Variants in AP2A2 observed in about 807,000 individuals in gnomAD.
The protein encoded by AP2A2 is AP-2 complex subunit alpha-2.
In AP2A2, 32 loss-of-function variants were observed where a neutral mutation model predicts 104.2. The ratio of observed to expected loss-of-function variants is 0.31; its 90% CI spans 0.23 to 0.41. The LOEUF (loss-of-function observed/expected upper bound fraction) is 0.41, where lower values mean the gene tolerates loss of function less well. Among genes scored for constraint, AP2A2 ranks in the 10% least tolerant of loss-of-function variants. The probability of loss-of-function intolerance (pLI) is 1.00; values close to 1 mark genes in which losing one functional copy is unlikely to be tolerated. For missense variants in AP2A2, 912 were observed against 1,261.0 expected, an observed-to-expected ratio of 0.72 and a Z score of 4.19; for synonymous variants, 539 against 533.3, an observed-to-expected ratio of 1.01 and a Z score of -0.15.
At chr11:956,295 T>C (rs1854232423) in intron 1 of AP2A2, among the ~76,000 whole-genome samples, 1 of 152,144 alleles carries the variant, frequency 6.6e-6, no homozygotes, top group African/African-American at 2.4e-5. Flanking sequence ...CCCAAGTAGC[T>C]GGGATTACAG....
chr11:1,008,279 A>G (rs1856278780), intron 18 of AP2A2, 144 bp downstream of exon 18: 9 of 1,230,610 alleles, frequency 7.3e-6, no homozygotes, highest in Admixed American at 3.1e-5. Flanking sequence ...GGCCTGAGCT[A>G]TTGCTGCCCC....
intron 6 of AP2A2, among the ~76,000 whole-genome samples, chr11:983,017 C>CTTTT (rs56742889): frequency 3.5e-3 from 284 of 81,550 alleles, no homozygotes; most frequent in Non-Finnish European, 4.5e-3. Context: ...TTTTCTTTTT[C>CTTTT]TTTTTTTTTT....
chr11:980,489 T>C lies in AP2A2; in HGVS notation c.604-709T>C, dbSNP rs561743656. Among the ~76,000 whole-genome samples the C allele has an allele frequency of 6.2e-5, 6 of 96,856 alleles. 1 individual carries two copies. The highest frequency in any genetic ancestry group is 2.4e-4 in the African/African-American group (6 of 25,124). 63.5% of individuals were successfully genotyped at this position (96,856 alleles called of 152,430 possible). Reference sequence around the variant, plus strand: ...TGCCCGGTGCCGTGTCCTGGAGCGGTGACAGGGTGCCCGGTGCCGTGTCCT... The same window carrying C: ...TGCCCGGTGCCGTGTCCTGGAGCGGCGACAGGGTGCCCGGTGCCGTGTCCT... On this transcript the variant is annotated intron_variant, in intron 5 of 21. Coordinates refer to ENST00000448903, the MANE Select transcript of AP2A2 (RefSeq NM_012305.4).
rs1855426238 is a variant in AP2A2 at position 985,598 on chromosome 11, G to A, written c.962+16G>A. 2 of 1,613,830 alleles carry A rather than the reference G, an allele frequency of 1.2e-6. No homozygotes were observed. The highest frequency in any genetic ancestry group is 4.5e-5 in the East Asian group (2 of 44,882). On this transcript the variant is annotated intron_variant, in intron 8 of 21. Coordinates refer to ENST00000448903, the MANE Select transcript of AP2A2 (RefSeq NM_012305.4). ...ACCATGACAGGTGTGTCGGCTGCCT[G>A]TGGAGAGGCTTCGTCTCGCGCACAC... is the stretch of plus-strand genomic sequence containing the variant.
intron 14 of AP2A2, among the ~76,000 whole-genome samples, chr11:998,137 G>A (rs1442907994): frequency 1.3e-5 from 2 of 152,260 alleles, no homozygotes; most frequent in Non-Finnish European, 2.9e-5. Flanking sequence ...GCCGCCTTCA[G>A]ATGGTCTCAT....
At position 981,286 on chromosome 11, in the gene AP2A2, C is replaced by T; in HGVS notation, c.692C>T (p.Ser231Phe). 1 of 1,612,222 alleles carries T rather than the reference C, an allele frequency of 6.2e-7. No homozygotes were observed. The highest frequency in any genetic ancestry group is 8.5e-7 in the Non-Finnish European group (1 of 1,178,756). Reference protein sequence around the residue: ...EFKTSVSLAVSRLSRIVTSAS... With the variant: ...EFKTSVSLAVFRLSRIVTSAS... The stretch of plus-strand genomic sequence containing the variant: ...AAAACCTCCGTGTCTCTGGCTGTCT[C>T]TAGGCTAAGCAGAGTAAGTCTGTTC... The change falls in exon 6 of 22, where the codon TCT becomes TTT. Residue 231 changes from serine to phenylalanine, a missense_variant. Physicochemically the swap from Ser to Phe is radical, Grantham distance 155. Coordinates refer to ENST00000448903, the MANE Select transcript of AP2A2 (RefSeq NM_012305.4).
intron 6 of AP2A2, among the ~76,000 whole-genome samples, chr11:982,774 C>A (rs1191709393): frequency 2.0e-5 from 3 of 151,406 alleles, no homozygotes; most frequent in African/African-American, 7.3e-5. Flanking sequence ...CCTCAGCCTC[C>A]CGAGTAGCTG....
intron 1 of AP2A2, among the ~76,000 whole-genome samples, chr11:957,292 T>G (rs1188448629): frequency 6.6e-6 from 1 of 152,242 alleles, no homozygotes; most frequent in Non-Finnish European, 1.5e-5. Flanking sequence ...CCAAACCCTG[T>G]CCTCCTGGGC....
At chr11:931,095 A>C (rs1229440488) in intron 1 of AP2A2, among the ~76,000 whole-genome samples, 9 of 152,172 alleles carry the variant, frequency 5.9e-5, no homozygotes, top group Non-Finnish European at 4.4e-5. Context: ...TTGTGGGCTC[A>C]AGGATGTCAT....
At position 1,008,057 on chromosome 11, in the gene AP2A2, G is replaced by A. The variant is rs1306008948; in HGVS notation, c.2342G>A (p.Gly781Asp). 1 of 1,581,768 alleles carries A rather than the reference G, an allele frequency of 6.3e-7. No individual in the cohort carries two copies. The highest frequency in any genetic ancestry group is 1.8e-5 in the Admixed American group (1 of 55,128). Reference sequence around the variant, plus strand: ...CCCGTGGACCCGACCGTGGAGGGGGGCGCGCAGGTGCAGCAGGTGGTCAAC... The same window carrying A: ...CCCGTGGACCCGACCGTGGAGGGGGACGCGCAGGTGCAGCAGGTGGTCAAC... Reference protein sequence around the residue: ...TKPVDPTVEGGAQVQQVVNIE... With the variant: ...TKPVDPTVEGDAQVQQVVNIE... Residue 781 changes from glycine to aspartate, a missense_variant, in exon 18 of 22, where the codon GGC becomes GAC. Physicochemically the swap from Gly to Asp is moderately conservative, Grantham distance 94. Coordinates refer to ENST00000448903, the MANE Select transcript of AP2A2 (RefSeq NM_012305.4).
intron 2 of AP2A2, among the ~76,000 whole-genome samples, chr11:959,840 C>T (rs1348107703): frequency 4.6e-5 from 7 of 152,116 alleles, no homozygotes; most frequent in Non-Finnish European, 4.4e-5. Flanking sequence ...CGCCACCGAA[C>T]GCCTCCTGCT....
chr11:1,009,076 T>C, intron 18 of AP2A2, 24 bp from the exon 19 acceptor site: 1 of 1,585,564 alleles, frequency 6.3e-7, no homozygotes, highest in South Asian at 1.1e-5. Context: ...GACTGTCTCT[T>C]TCTGCTGCTG....
chr11:926,133 G>C lies in AP2A2; in HGVS notation c.67+45G>C, dbSNP rs560565260. The stretch of plus-strand genomic sequence containing the variant: ...TGGGGCCGGGGCCGGGGCCGCCGGC[G>C]GAGACGGGGTCTGGGAGCGGAGGCC... On this transcript the variant is annotated intron_variant, in intron 1 of 21. Transcript: ENST00000448903. 6.0e-5 allele frequency: 73 copies of C among 1,210,986 alleles called. No individual in the cohort carries two copies. The South Asian group carries it at 2.2e-3, about 37-fold the overall frequency. 75.0% of individuals were successfully genotyped at this position (1,210,986 alleles called of 1,614,324 possible).
chr11:995,054 C>T (rs930086506), intron 14 of AP2A2, among the ~76,000 whole-genome samples: 4 of 152,210 alleles, frequency 2.6e-5, no homozygotes, highest in Non-Finnish European at 5.9e-5. Flanking sequence ...TCCCGGGGGC[C>T]ACTGTGCCTG....
Position 1,008,077 on chromosome 11 carries a change from G to T in AP2A2, c.2362G>T (p.Val788Phe). 6.2e-7 allele frequency: 1 copy of T among 1,600,984 alleles called. No individual in the cohort carries two copies. Among genetic ancestry groups the T allele is most frequent in the East Asian group, 2.3e-5 (1 of 44,164 alleles). The change falls in exon 18 of 22, where the codon GTC (valine) becomes TTC (phenylalanine). Residue 788 changes from valine to phenylalanine, a missense_variant. Val to Phe is a conservative substitution (Grantham distance 50). This residue lies in a region of AP2A2 where 239 missense variants were observed against 329.8 expected (regional missense o/e 0.72). Transcript: ENST00000448903. ...VEGGAQVQQV[V>F]NIECVSDFTE... ...GGGGGGCGCGCAGGTGCAGCAGGTGGTCAACATAGAGTGCGTGTCCGACTT... is the reference window on the plus strand; with the variant it reads ...GGGGGGCGCGCAGGTGCAGCAGGTGTTCAACATAGAGTGCGTGTCCGACTT...
intron 4 of AP2A2, among the ~76,000 whole-genome samples, chr11:973,904 A>G (rs1374015522): frequency 6.6e-6 from 1 of 152,220 alleles, no homozygotes; most frequent in Non-Finnish European, 1.5e-5. Flanking sequence ...GAACAGTACC[A>G]GGTCCCTAGT....
intron 6 of AP2A2, among the ~76,000 whole-genome samples, chr11:984,236 G>A (rs1284757821): frequency 2.6e-5 from 4 of 152,202 alleles, no homozygotes; most frequent in Non-Finnish European, 2.9e-5. Flanking sequence ...CTCACCATCT[G>A]GGTTGGCCTG....
chr11:994,702 G>A (rs1303451149), intron 14 of AP2A2, among the ~76,000 whole-genome samples: 7 of 109,940 alleles, frequency 6.4e-5, no homozygotes, highest in Admixed American at 9.2e-5. Context: ...CCTGCTGGAC[G>A]CCCCGTTGTC....
chr11:1,006,460 T>TTCCAGGGTAAATA (rs1856210370), intron 16 of AP2A2, 68 bp from the exon 17 acceptor site: 1 of 1,131,618 alleles, frequency 8.8e-7, no homozygotes, highest in Admixed American at 2.0e-5. Flanking sequence ...GGCTCTTGTT[T>TTCCAGGGTAAATA]TTCAGGGTAA....
Sources: allele counts gnomAD v4.1 joint callset (sites outside exome capture counted in the v4.1 genomes callset), GRCh38; gene constraint gnomAD v4.1.1; regional missense constraint gnomAD v4.1.1; transcripts MANE v1.5; gene names NCBI Gene and HGNC (gene_info 2026-07-23, HGNC 2026-07-21).